Variants in CLYBL observed in about 807,000 individuals in gnomAD.
The protein encoded by CLYBL is citramalyl-CoA lyase, mitochondrial.
CLYBL carries 31 observed loss-of-function variants against 38.9 expected under a neutral mutation model. That is an observed-to-expected ratio of 0.80 (90% CI 0.60 to 1.08). The LOEUF (loss-of-function observed/expected upper bound fraction) is 1.08, where lower values mean the gene tolerates loss of function less well. Ranked by LOEUF, CLYBL falls within the 50% of genes least tolerant of loss-of-function variation. The probability of loss-of-function intolerance (pLI) is 0.00; values close to 1 mark genes in which losing one functional copy is unlikely to be tolerated. For synonymous variants in CLYBL, 171 were observed against 158.6 expected, an observed-to-expected ratio of 1.08 and a Z score of -0.59; for missense variants, 434 against 411.6, an observed-to-expected ratio of 1.05 and a Z score of -0.47.
chr13:99,783,705 A>T (rs923434630), intron 2 of CLYBL, among the ~76,000 whole-genome samples: 1 of 152,114 alleles, frequency 6.6e-6, no homozygotes, highest in East Asian at 1.9e-4. Flanking sequence ...TCGGCCTCCC[A>T]AAGTGCTGGG....
At chr13:99,701,655 C>A (rs2048068394) in intron 1 of CLYBL, among the ~76,000 whole-genome samples, 1 of 151,550 alleles carries the variant, frequency 6.6e-6, no homozygotes. Context: ...TTGAGTATCA[C>A]TTCTTATTTA....
At chr13:99,655,559 T>C (rs539307730) in intron 1 of CLYBL, among the ~76,000 whole-genome samples, 6 of 152,316 alleles carry the variant, frequency 3.9e-5, no homozygotes, top group African/African-American at 1.4e-4. Flanking sequence ...GGGGCGCTAC[T>C]AGGGGGTGTG....
chr13:99,877,477 A>T, intron 7 of CLYBL: 1 of 293,456 alleles, frequency 3.4e-6, no homozygotes, highest in South Asian at 2.9e-5. Flanking sequence ...GCCATCCCTC[A>T]CCTTCTTTCC....
intron 2 of CLYBL, among the ~76,000 whole-genome samples, chr13:99,821,760 C>CA (rs2050592836): frequency 1.3e-5 from 2 of 152,242 alleles, no homozygotes; most frequent in African/African-American, 2.4e-5. Flanking sequence ...TTGGGAACAA[C>CA]ATAGCACATC....
chr13:99,683,737 AC>A (rs1041088995), intron 1 of CLYBL, among the ~76,000 whole-genome samples: 1 of 124,026 alleles, frequency 8.1e-6, no homozygotes, highest in African/African-American at 4.2e-5. Flanking sequence ...TTTACAGTTA[AC>A]TTTTTTTTTT....
intron 1 of CLYBL, among the ~76,000 whole-genome samples, chr13:99,733,345 G>A (rs969739073): frequency 6.6e-6 from 1 of 151,764 alleles, no homozygotes; most frequent in Non-Finnish European, 1.5e-5. Flanking sequence ...GTCCAAAATT[G>A]TCCCTGTAGA....
chr13:99,618,733 T>C (rs756447062), intron 1 of CLYBL, among the ~76,000 whole-genome samples: 3 of 152,134 alleles, frequency 2.0e-5, no homozygotes, highest in Admixed American at 6.5e-5. Context: ...ACCCAGCCCC[T>C]GGTAACCACC....
chr13:99,738,984 GGT>G (rs1432681986), intron 1 of CLYBL, among the ~76,000 whole-genome samples: 1 of 152,008 alleles, frequency 6.6e-6, no homozygotes, highest in Non-Finnish European at 1.5e-5. Context: ...ATTCAGGGTT[GGT>G]GTGTTTTGCC....
At chr13:99,900,957 C>G (rs1294387272), downstream of CLYBL, among the ~76,000 whole-genome samples, 1 of 152,204 alleles carries the variant, frequency 6.6e-6, no homozygotes, top group African/African-American at 2.4e-5. Context: ...CTTGATGTCC[C>G]CCGGCCCCTG....
At chr13:99,695,651 C>G (rs1252596006) in intron 1 of CLYBL, among the ~76,000 whole-genome samples, 1 of 152,120 alleles carries the variant, frequency 6.6e-6, no homozygotes, top group Non-Finnish European at 1.5e-5. Flanking sequence ...TCCCAAGTAG[C>G]TGGGATTGCA....
chr13:99,840,535 ATT>A (rs2051046031), intron 2 of CLYBL, among the ~76,000 whole-genome samples: 1 of 152,032 alleles, frequency 6.6e-6, no homozygotes, highest in Admixed American at 6.6e-5. Context: ...AGGCAGGGGA[ATT>A]GCTTGGGCAC....
chr13:99,815,045 G>A (rs1177927371), intron 2 of CLYBL, among the ~76,000 whole-genome samples: 1 of 152,028 alleles, frequency 6.6e-6, no homozygotes, highest in African/African-American at 2.4e-5. Flanking sequence ...GCCAGGGTGG[G>A]CCTCTTAAAG....
At chr13:99,886,980 C>T (rs759369910) in intron 7 of CLYBL, among the ~76,000 whole-genome samples, 32 of 152,168 alleles carry the variant, frequency 2.1e-4, no homozygotes, top group Non-Finnish European at 4.3e-4. Context: ...TGGTGACTAA[C>T]CTAAGGAAAT....
chr13:99,713,236 G>A (rs2048261306), intron 1 of CLYBL, among the ~76,000 whole-genome samples: 1 of 151,506 alleles, frequency 6.6e-6, no homozygotes, highest in Non-Finnish European at 1.5e-5. Context: ...GTACTTTGAT[G>A]GGATCATTTT....
chr13:99,773,563 G>A (rs2049446314), intron 2 of CLYBL, among the ~76,000 whole-genome samples: 1 of 152,102 alleles, frequency 6.6e-6, no homozygotes, highest in African/African-American at 2.4e-5. Flanking sequence ...GATGATCTGA[G>A]GTGGAACAGT....
chr13:99,843,604 CT>C (rs60365803), intron 2 of CLYBL, among the ~76,000 whole-genome samples: 88 of 142,770 alleles, frequency 6.2e-4, no homozygotes, highest in Middle Eastern at 3.5e-3. Flanking sequence ...AAAAATTAAT[CT>C]TTTTTTTTTT....
chr13:99,835,829 G>T (rs191455474), intron 2 of CLYBL, among the ~76,000 whole-genome samples: 2 of 152,314 alleles, frequency 1.3e-5, no homozygotes, highest in African/African-American at 4.8e-5. Context: ...ACAGAGACAA[G>T]ACTTGAGGAT....
chr13:99,609,935 A>G (rs1191809586), intron 1 of CLYBL, among the ~76,000 whole-genome samples: 1 of 149,192 alleles, frequency 6.7e-6, no homozygotes, highest in Non-Finnish European at 1.5e-5. Context: ...TCTCTTAGAG[A>G]CGGAGTCTCC....
rs71121010 is a variant in CLYBL, at chr13:99,784,449, C to CTCTTTTTTTTTTTTTTTT, written c.249+11440_249+11441insCTTTTTTTTTTTTTTTTT. ...TTCCTCTGCTTCTGGAAAATTCTCT[C>CTCTTTTTTTTTTTTTTTT]TTTTTTTTTTTTTTTTTTTTTTTGA... On this transcript the variant is annotated intron_variant, in intron 2 of 8. Coordinates refer to ENST00000339105, the MANE Select transcript of CLYBL (RefSeq NM_206808.5). Among the ~76,000 whole-genome samples, 31 of 52,116 alleles carry CTCTTTTTTTTTTTTTTTT rather than the reference C, an allele frequency of 5.9e-4. 3 individuals are homozygous for CTCTTTTTTTTTTTTTTTT. Among genetic ancestry groups the CTCTTTTTTTTTTTTTTTT allele is most frequent in the East Asian group, 2.0e-3 (2 of 1,020 alleles). 34.2% of individuals were successfully genotyped at this position (52,116 alleles called of 152,430 possible).
Sources: gnomAD v4.1 joint callset for allele counts (sites outside exome capture counted in the v4.1 genomes callset) on GRCh38, gnomAD v4.1.1 for gene constraint, MANE v1.5 for transcripts, NCBI Gene and HGNC (gene_info 2026-07-23, HGNC 2026-07-21) for gene names.